The following FHIP1B variants were observed in gnomAD, a reference collection of about 807,000 sequenced individuals.
FHIP1B encodes FHF complex subunit HOOK interacting protein 1B.
In FHIP1B, 28 loss-of-function variants were observed where a neutral mutation model predicts 82.2. That is an observed-to-expected ratio of 0.34 (90% CI 0.25 to 0.47). The LOEUF (loss-of-function observed/expected upper bound fraction) is 0.47, where lower values mean the gene tolerates loss of function less well. Among genes scored for constraint, FHIP1B ranks in the 20% least tolerant of loss-of-function variants. The pLI, the probability that FHIP1B is intolerant of heterozygous loss-of-function variation, is 1.00. For missense variants in FHIP1B, 1,110 were observed against 1,262.6 expected (o/e 0.88, Z 1.83); for synonymous variants, 585 against 516.1 (o/e 1.13, Z -1.81).
Position 6,214,463 on chromosome 11 carries a change from G to C in FHIP1B, c.2505C>G (p.Asp835Glu). ...GTCCTGCTGCAGGGCCCTCAGCCCA[G>C]TCCAACTTGCCACGGGCAATGAGGT... ...KKYLIARGKL[D>E]WAEGPAAGPA... The change falls in exon 11 of 12, where the codon GAC becomes GAG. Residue 835 changes from aspartate (D) to glutamate (E), a missense_variant. Asp to Glu is a conservative substitution (Grantham distance 45). Coordinates refer to ENST00000449352, the MANE Select transcript of FHIP1B (RefSeq NM_001098794.2). 1.2e-6 allele frequency: 2 copies of C among 1,614,070 alleles called. No homozygotes were observed. Among genetic ancestry groups the C allele is most frequent in the Non-Finnish European group, 1.7e-6 (2 of 1,180,016 alleles).
chr11:6,224,275 G>A, intron 2 of FHIP1B, 27 bp from the exon 3 acceptor site: 5 of 1,612,932 alleles, frequency 3.1e-6, no homozygotes, highest in Non-Finnish European at 4.2e-6. Flanking sequence ...GAAGATGGAA[G>A]GAATCTAAAT....
chr11:6,222,512 A>G lies in FHIP1B; in HGVS notation c.1121T>C (p.Leu374Pro). 6.2e-7 allele frequency: 1 copy of G among 1,614,130 alleles called. No individual in the cohort carries two copies. The highest frequency in any genetic ancestry group is 8.5e-7 in the Non-Finnish European group (1 of 1,180,018). The change falls in exon 6 of 12, where the codon CTG (leucine) becomes CCG (proline). Residue 374 changes from leucine (L) to proline (P), a missense_variant. By Grantham distance (98) the Leu-to-Pro change is moderately conservative (BLOSUM62 -3). Coordinates refer to ENST00000449352, the MANE Select transcript of FHIP1B (RefSeq NM_001098794.2). The stretch of plus-strand genomic sequence containing the variant: ...GTGGGTGTCATGCCGGTGCAACAAC[A>G]GGAATCGCAGGAAGGTACGGAGCAA... ...PALLRTFLRF[L>P]LLHRHDTHTI...
intron 1 of FHIP1B, among the ~76,000 whole-genome samples, chr11:6,226,667 G>T (rs1292927401): frequency 6.6e-6 from 1 of 152,226 alleles, no homozygotes; most frequent in Non-Finnish European, 1.5e-5. Context: ...AATTTAGTGT[G>T]CCTTAATCAC....
intron 1 of FHIP1B, among the ~76,000 whole-genome samples, chr11:6,229,714 G>A (rs1324542368): frequency 6.6e-6 from 1 of 152,070 alleles, no homozygotes; most frequent in Non-Finnish European, 1.5e-5. Flanking sequence ...TTAGCCTCCA[G>A]GACCCTTCCT....
chr11:6,217,776 T>A lies in FHIP1B; in HGVS notation c.1810A>T (p.Asn604Tyr), dbSNP rs765148272. ...TCCTCCTCCCCTTCCCCCACGTTGT[T>A]CCTGTCCTCCTCAGGCAGTAGGCTG... ...KRSLLPEEDR[N>Y]NVGEGEEEEL... Residue 604 changes from asparagine (N) to tyrosine (Y), a missense_variant, in exon 9 of 12, where the codon AAC becomes TAC. Around this residue, in one of 6 missense-constraint regions of FHIP1B, gnomAD observed 418 missense variants for 371.4 expected, o/e 1.13. Coordinates refer to ENST00000449352, the MANE Select transcript of FHIP1B (RefSeq NM_001098794.2). 6.2e-7 allele frequency: 1 copy of A among 1,610,126 alleles called. No individual in the cohort carries two copies. Among genetic ancestry groups the A allele is most frequent in the East Asian group, 2.2e-5 (1 of 44,782 alleles).
chr11:6,216,887 A>G (rs1293038679), intron 9 of FHIP1B: 13 of 595,422 alleles, frequency 2.2e-5, no homozygotes, highest in Middle Eastern at 4.4e-4. Context: ...GGAGAAAAAT[A>G]CCAGAAGGTT....
At chr11:6,220,020 A>T (rs556082862) in intron 6 of FHIP1B, among the ~76,000 whole-genome samples, 2 of 152,216 alleles carry the variant, frequency 1.3e-5, no homozygotes, top group Non-Finnish European at 2.9e-5. Flanking sequence ...GAAAAGTAGT[A>T]AGTGGGTAGA....
Position 6,222,487 on chromosome 11 carries a change from G to A in FHIP1B, c.1146C>T (p.His382=). The change falls in exon 6 of 12, where the codon CAC becomes CAT. Residue 382 remains histidine (H), a synonymous_variant. Coordinates refer to ENST00000449352, the MANE Select transcript of FHIP1B (RefSeq NM_001098794.2). ...GAGCAACGAGGGTGTCGAGGATGGT[G>A]TGGGTGTCATGCCGGTGCAACAACA... is the stretch of plus-strand genomic sequence containing the variant. ...RFLLLHRHDT[H]TILDTLVARI... The A allele has an allele frequency of 2.5e-6, 4 of 1,614,114 alleles. No individual in the cohort carries two copies. Among genetic ancestry groups the A allele is most frequent in the Non-Finnish European group, 3.4e-6 (4 of 1,180,032 alleles).
intron 11 of FHIP1B, among the ~76,000 whole-genome samples, chr11:6,214,140 C>T (rs1031020277): frequency 6.0e-5 from 9 of 150,388 alleles, no homozygotes; most frequent in African/African-American, 2.2e-4. Flanking sequence ...CTTTACTAAG[C>T]TGTAATAATA....
rs773612493 is a variant in FHIP1B, at chr11:6,217,403, G to A, written c.2183C>T (p.Thr728Ile). ...PGPFLSSPLR[T>I]LNQLPSQPFT... ...GGGCTGGCTTGGCAGCTGGTTGAGAGTCCGCAAAGGGCTGCTGAGGAAGGG... is the reference window on the plus strand; with the variant it reads ...GGGCTGGCTTGGCAGCTGGTTGAGAATCCGCAAAGGGCTGCTGAGGAAGGG... The change falls in exon 9 of 12, where the codon ACT becomes ATT. Residue 728 changes from threonine to isoleucine, a missense_variant. By Grantham distance (89) the Thr-to-Ile change is moderately conservative (BLOSUM62 -1). Coordinates refer to ENST00000449352, the MANE Select transcript of FHIP1B (RefSeq NM_001098794.2). 7.4e-6 allele frequency: 12 copies of A among 1,614,044 alleles called. No homozygotes were observed. Among genetic ancestry groups the A allele is most frequent in the Middle Eastern group, 1.6e-4 (1 of 6,084 alleles).
chr11:6,211,790 G>A lies in FHIP1B; in HGVS notation c.2635C>T (p.Gln879Ter). The part of the protein sequence containing the change: ...HSPTRARQAA[Q>*]LVLQPGRDGA... ...TCTCGCCCAGGCTGAAGGACCAATT[G>A]TGCCGCCTGCCGGGCCCTGGTTGGA... The change falls in exon 12 of 12, where the codon CAA becomes TAA. Residue 879 changes from glutamine to a stop codon, truncating the protein, a stop_gained. Coordinates refer to ENST00000449352, the MANE Select transcript of FHIP1B (RefSeq NM_001098794.2). LOFTEE classifies it high-confidence loss of function. The A allele has an allele frequency of 6.2e-7, 1 of 1,613,776 alleles. No homozygotes were observed. Among genetic ancestry groups the A allele is most frequent in the Non-Finnish European group, 8.5e-7 (1 of 1,179,844 alleles).
chr11:6,215,005 T>C (rs776873450), intron 9 of FHIP1B, 94 bp from the exon 10 acceptor site: 120 of 1,233,294 alleles, frequency 9.7e-5, no homozygotes, highest in Non-Finnish European at 1.3e-4. Context: ...CCCCACCAGA[T>C]GAAAAGTATT....
At chr11:6,212,272 C>T (rs960168452) in intron 11 of FHIP1B, among the ~76,000 whole-genome samples, 1 of 152,312 alleles carries the variant, frequency 6.6e-6, no homozygotes, top group South Asian at 2.1e-4. Context: ...TAATCTACCA[C>T]CACCAAGCTA....
chr11:6,229,082 T>C lies in FHIP1B; in HGVS notation c.-191-4375A>G, dbSNP rs531065275. ...TATCTGCCACCTGCAAAGAGCCTCA[T>C]TGAAAAAAGAGTATTAATGTTTATG... On this transcript the variant is annotated intron_variant, in intron 1 of 11. Coordinates refer to ENST00000449352, the MANE Select transcript of FHIP1B (RefSeq NM_001098794.2). Among the ~76,000 whole-genome samples, 6 of 152,298 alleles carry C rather than the reference T, an allele frequency of 3.9e-5. No homozygotes were observed. The East Asian group carries it at 7.7e-4, about 20-fold the overall frequency.
intron 6 of FHIP1B, among the ~76,000 whole-genome samples, chr11:6,221,073 T>C (rs985013502): frequency 1.4e-4 from 22 of 152,222 alleles, no homozygotes; most frequent in Admixed American, 1.3e-3. Context: ...GAGCTCAGAA[T>C]CTGTTGTAGT....
chr11:6,230,268 G>A lies in FHIP1B; in HGVS notation c.-192+4276C>T, dbSNP rs544010872. 5.9e-5 allele frequency among the ~76,000 whole-genome samples: 9 copies of A among 152,288 alleles called. No homozygotes were observed. The South Asian group carries it at 6.2e-4, about 11-fold the overall frequency. ...GGATATACCTGCAACACCTACATTG[G>A]ACAGAGAGACCAAAATGATCTTCCA... On this transcript the variant is annotated intron_variant, in intron 1 of 11. Transcript: ENST00000449352.
intron 6 of FHIP1B, among the ~76,000 whole-genome samples, chr11:6,220,050 G>A (rs1847363057): frequency 6.6e-6 from 1 of 152,160 alleles, no homozygotes; most frequent in African/African-American, 2.4e-5. Flanking sequence ...CCTCAAAGAT[G>A]CTCACATCCT....
chr11:6,227,213 C>T (rs897160786), intron 1 of FHIP1B, among the ~76,000 whole-genome samples: 1 of 152,206 alleles, frequency 6.6e-6, no homozygotes, highest in Non-Finnish European at 1.5e-5. Context: ...AGGCTCCATT[C>T]CAGCACTACA....
chr11:6,217,591 G>A lies in FHIP1B; in HGVS notation c.1995C>T (p.Ser665=), dbSNP rs201173178. 3.7e-5 allele frequency: 59 copies of A among 1,612,926 alleles called. No individual in the cohort carries two copies. The highest frequency in any genetic ancestry group is 2.5e-4 in the East Asian group (11 of 44,848). The change falls in exon 9 of 12, where the codon TCC becomes TCT. Residue 665 remains serine, a synonymous_variant. Transcript: ENST00000449352. The part of the protein sequence containing the change: ...EGAGELLEGI[S]EGMAGLEGFG... Reference sequence around the variant, plus strand: ...AGCCCTCTAGTCCTGCCATGCCCTCGGAGATGCCCTCTAGCAGTTCCCCAG... The same window carrying A: ...AGCCCTCTAGTCCTGCCATGCCCTCAGAGATGCCCTCTAGCAGTTCCCCAG...
Sources: gnomAD v4.1 joint callset for allele counts (sites outside exome capture counted in the v4.1 genomes callset) on GRCh38, gnomAD v4.1.1 for gene constraint, gnomAD v4.1.1 regional missense constraint, MANE v1.5 for transcripts, NCBI Gene and HGNC (gene_info 2026-07-23, HGNC 2026-07-21) for gene names.